ERC1: variants seen among roughly 807,000 people sequenced by gnomAD.
ERC1 encodes RAB6 interacting protein 2.
ERC1 carries 56 observed loss-of-function variants against 132.0 expected under a neutral mutation model. The observed-to-expected ratio is 0.42, with a 90% CI of 0.34 to 0.53. The LOEUF (loss-of-function observed/expected upper bound fraction) is 0.53. Among genes scored for constraint, ERC1 ranks in the 20% least tolerant of loss-of-function variants. The probability of loss-of-function intolerance (pLI) is 0.03; values close to 1 mark genes in which losing one functional copy is unlikely to be tolerated. For missense variants in ERC1, 1,202 were observed against 1,349.9 expected (o/e 0.89, Z 1.72); for synonymous variants, 478 against 476.1 (o/e 1.00, Z -0.05).
At chr12:1,354,537 T>G (rs2085341095) in intron 15 of ERC1, among the ~76,000 whole-genome samples, 1 of 149,828 alleles carries the variant, frequency 6.7e-6, no homozygotes, top group African/African-American at 2.5e-5. Context: ...AAAAAAAAAC[T>G]TAGTTGAAGG....
intron 8 of ERC1, among the ~76,000 whole-genome samples, chr12:1,172,845 G>C (rs1953229192): frequency 6.6e-6 from 1 of 152,214 alleles, no homozygotes; most frequent in Non-Finnish European, 1.5e-5. Context: ...TGGTCCGTCT[G>C]TCTGTAAATA....
chr12:1,219,337 AC>A (rs1958740440), intron 12 of ERC1, among the ~76,000 whole-genome samples: 1 of 152,148 alleles, frequency 6.6e-6, no homozygotes, highest in African/African-American at 2.4e-5. Flanking sequence ...GATCTGGCCC[AC>A]CTTTTTCAAA....
chr12:1,482,620 TG>T (rs1314528558), intron 18 of ERC1, among the ~76,000 whole-genome samples: 5 of 152,112 alleles, frequency 3.3e-5, no homozygotes, highest in Non-Finnish European at 5.9e-5. Context: ...CTAATTTTTT[TG>T]TATTTTTGAT....
intron 7 of ERC1, among the ~76,000 whole-genome samples, chr12:1,129,097 C>T (rs1254650314): frequency 6.6e-6 from 1 of 152,164 alleles, no homozygotes; most frequent in Non-Finnish European, 1.5e-5. Flanking sequence ...GGAATGGATT[C>T]TTCAATTCAG....
chr12:1,264,804 A>C (rs1371508588), intron 14 of ERC1, among the ~76,000 whole-genome samples: 1 of 152,224 alleles, frequency 6.6e-6, no homozygotes, highest in Non-Finnish European at 1.5e-5. Flanking sequence ...AGAGGGTGGC[A>C]GGAATCTTTC....
chr12:1,385,511 C>T (rs1023318137), intron 16 of ERC1, among the ~76,000 whole-genome samples: 2 of 152,206 alleles, frequency 1.3e-5, no homozygotes, highest in African/African-American at 2.4e-5. Flanking sequence ...GTCTCGATCT[C>T]CTGACCTCGT....
chr12:1,257,879 A>G (rs2076907596), intron 13 of ERC1, among the ~76,000 whole-genome samples: 1 of 152,210 alleles, frequency 6.6e-6, no homozygotes, highest in African/African-American at 2.4e-5. Context: ...CCAAAATATT[A>G]TTTCAACATA....
chr12:1,020,622 A>T (rs1966214185), intron 1 of ERC1: 1 of 152,140 alleles, frequency 6.6e-6, no homozygotes, highest in East Asian at 1.9e-4. Context: ...AAGCTATCTC[A>T]CGTGGCTGTT....
chr12:1,241,291 C>T (rs61911984), intron 13 of ERC1, among the ~76,000 whole-genome samples: 45,571 of 151,896 alleles, frequency 0.3, 6,966 homozygotes, highest in Middle Eastern at 0.39. Flanking sequence ...ATGTAATGAT[C>T]TATTATCTGA....
intron 12 of ERC1, among the ~76,000 whole-genome samples, chr12:1,234,844 C>T (rs1290287154): frequency 2.0e-5 from 3 of 152,070 alleles, no homozygotes; most frequent in Non-Finnish European, 4.4e-5. Flanking sequence ...ATTATAAATA[C>T]ATGTAAAAAA....
intron 16 of ERC1, among the ~76,000 whole-genome samples, chr12:1,372,511 C>T (rs2087363205): frequency 6.6e-6 from 1 of 152,284 alleles, no homozygotes; most frequent in South Asian, 2.1e-4. Context: ...GGTTGCACAA[C>T]AGTATGAATG....
chr12:1,287,106 G>A (rs191839042), intron 14 of ERC1, among the ~76,000 whole-genome samples: 7 of 152,248 alleles, frequency 4.6e-5, no homozygotes, highest in African/African-American at 1.7e-4. Context: ...AGAAAGTGCA[G>A]AAATATCCAT....
intron 8 of ERC1, among the ~76,000 whole-genome samples, chr12:1,150,828 G>C (rs1950767577): frequency 6.6e-6 from 1 of 152,112 alleles, no homozygotes; most frequent in Admixed American, 6.6e-5. Flanking sequence ...TCACAGCCAA[G>C]AAGAGCCAAG....
At chr12:1,406,680 G>C (rs1342622853) in intron 16 of ERC1, among the ~76,000 whole-genome samples, 1 of 152,058 alleles carries the variant, frequency 6.6e-6, no homozygotes, top group Non-Finnish European at 1.5e-5. Flanking sequence ...GACCACCCTA[G>C]ACAACATAGT....
rs1213665823 is a variant in ERC1, at chr12:1,029,440, A to G, written c.669+868A>G. The stretch of plus-strand genomic sequence containing the variant: ...TTGCCATTCATGGAAGTTTAACTTC[A>G]GGATGCTTTTGTAGCTTTTCGTTCT... On this transcript the variant is annotated intron_variant, in intron 2 of 18. Coordinates refer to ENST00000360905, the MANE Select transcript of ERC1 (RefSeq NM_178040.4). 2.0e-5 allele frequency among the ~76,000 whole-genome samples: 3 copies of G among 152,216 alleles called. No homozygotes were observed. The East Asian group carries it at 5.8e-4, about 29-fold the overall frequency.
chr12:1,183,482 T>G (rs992313996), intron 11 of ERC1, 61 bp downstream of exon 11: 94 of 1,152,414 alleles, frequency 8.2e-5, no homozygotes, highest in Non-Finnish European at 2.2e-5. Flanking sequence ...GTAGATAACC[T>G]TAGCATGTTT....
chr12:1,008,325 T>C (rs1164862904), intron 1 of ERC1, among the ~76,000 whole-genome samples: 10 of 152,236 alleles, frequency 6.6e-5, no homozygotes, highest in African/African-American at 2.4e-4. Flanking sequence ...AAATTTTTAG[T>C]AGCCACATTA....
At chr12:1,299,220 T>C (rs2080209091) in intron 15 of ERC1, among the ~76,000 whole-genome samples, 1 of 152,074 alleles carries the variant, frequency 6.6e-6, no homozygotes, top group African/African-American at 2.4e-5. Context: ...CTGAAGAAAA[T>C]ATATGTTTTT....
intron 8 of ERC1, among the ~76,000 whole-genome samples, chr12:1,150,558 T>C (rs1950742260): frequency 6.6e-6 from 1 of 152,218 alleles, no homozygotes; most frequent in African/African-American, 2.4e-5. Flanking sequence ...TGAGTCAACA[T>C]CTTAAGATTC....
Sources: allele counts gnomAD v4.1 joint callset (sites outside exome capture counted in the v4.1 genomes callset), GRCh38; gene constraint gnomAD v4.1.1; transcripts MANE v1.5; gene names NCBI Gene and HGNC (gene_info 2026-07-23, HGNC 2026-07-21).